Variants in CACNA2D1 observed in about 807,000 individuals in gnomAD.
CACNA2D1 encodes calcium voltage-gated channel auxiliary subunit alpha2delta 1.
A neutral mutation model predicts 171.5 loss-of-function variants in CACNA2D1; 53 were observed. That is an observed-to-expected ratio of 0.31 (90% CI 0.25 to 0.39). The LOEUF (loss-of-function observed/expected upper bound fraction) is 0.39. CACNA2D1 is among the 10% of genes least tolerant of loss of function. CACNA2D1 has a pLI of 1.00. For synonymous variants in CACNA2D1, 442 were observed against 443.1 expected (o/e 1.00, Z 0.03); for missense variants, 903 against 1,299.8 (o/e 0.69, Z 4.69).
intron 3 of CACNA2D1, among the ~76,000 whole-genome samples, chr7:82,181,043 T>A (rs1034163758): frequency 8.8e-4 from 34 of 38,716 alleles, no homozygotes; most frequent in African/African-American, 3.7e-3. Flanking sequence ...CATGTCGGAT[T>A]TTTTTTTTTT....
intron 1 of CACNA2D1, among the ~76,000 whole-genome samples, chr7:82,372,983 G>A (rs978634907): frequency 2.0e-5 from 3 of 152,108 alleles, no homozygotes; most frequent in Non-Finnish European, 2.9e-5. Flanking sequence ...TCAGGAGTTC[G>A]AGACCAGCCT....
In CACNA2D1 at chr7:82,044,873, G is replaced by A. The variant is rs145416976; in HGVS notation, c.880-6638C>T. Among the ~76,000 whole-genome samples, 10 of 152,122 alleles carry A rather than the reference G, an allele frequency of 6.6e-5. No homozygotes were observed. The East Asian group carries it at 1.4e-3, about 21-fold the overall frequency. ...TATGAAAATGATTATTCTAAAATCC[G>A]GATAAAATAGCTGATAACATTTATT... On this transcript the variant is annotated intron_variant, in intron 10 of 38. Transcript: ENST00000356860.
At chr7:82,159,740 GAAGA>G (rs1036741070) in intron 4 of CACNA2D1, among the ~76,000 whole-genome samples, 5 of 148,422 alleles carry the variant, frequency 3.4e-5, no homozygotes, top group African/African-American at 1.2e-4. Flanking sequence ...TAAGAATGGA[GAAGA>G]AAGACATGTA....
At chr7:82,066,951 G>C (rs1473177916) in intron 7 of CACNA2D1, among the ~76,000 whole-genome samples, 1 of 151,654 alleles carries the variant, frequency 6.6e-6, no homozygotes, top group Non-Finnish European at 1.5e-5. Flanking sequence ...TTTTTCTTGG[G>C]TTTTTATGTA....
chr7:82,328,421 C>T (rs1275902529), intron 3 of CACNA2D1, among the ~76,000 whole-genome samples: 1 of 152,064 alleles, frequency 6.6e-6, no homozygotes, highest in Non-Finnish European at 1.5e-5. Flanking sequence ...AGATTTTATT[C>T]CTCAGTAATT....
rs374846534 is a variant in CACNA2D1, at chr7:82,437,647, G to C, written c.95+5718C>G. The stretch of plus-strand genomic sequence containing the variant: ...TGAAATTAACTATAAAAAGTGTGCC[G>C]GTTTGTTGAGGCCACAAAGTCAATC... On this transcript the variant is annotated intron_variant, in intron 1 of 38. Coordinates refer to ENST00000356860, the MANE Select transcript of CACNA2D1 (RefSeq NM_000722.4). Among the ~76,000 whole-genome samples the C allele has an allele frequency of 1.1e-4, 17 of 152,168 alleles. No individual in the cohort carries two copies. In the East Asian group the frequency reaches 2.7e-3, roughly 24 times the overall value.
chr7:81,983,459 G>A, intron 22 of CACNA2D1, 125 bp from the exon 23 acceptor site: 2 of 764,528 alleles, frequency 2.6e-6, no homozygotes, highest in Non-Finnish European at 2.3e-6. Context: ...ATAGATCAAA[G>A]GTTCATTTAT....
intron 2 of CACNA2D1, chr7:82,343,309 C>CCCTAGCTAGTTAA (rs1818892779): frequency 6.6e-6 from 1 of 152,164 alleles, no homozygotes; most frequent in African/African-American, 2.4e-5. Flanking sequence ...GCACACACTG[C>CCCTAGCTAGTTAA]TACTCGCCCT....
chr7:82,083,961 T>C (rs1198789022), intron 7 of CACNA2D1, among the ~76,000 whole-genome samples: 1 of 152,200 alleles, frequency 6.6e-6, no homozygotes, highest in African/African-American at 2.4e-5. Context: ...TGTAGCAATT[T>C]AAAGCCAAAT....
At chr7:82,358,179 C>T (rs1820675293) in intron 1 of CACNA2D1, among the ~76,000 whole-genome samples, 4 of 152,102 alleles carry the variant, frequency 2.6e-5, no homozygotes, top group Admixed American at 2.6e-4. Context: ...GCTATAAATA[C>T]CCTACCAATG....
chr7:82,097,680 T>TAGTC (rs1264493367), intron 6 of CACNA2D1, among the ~76,000 whole-genome samples: 2 of 152,102 alleles, frequency 1.3e-5, no homozygotes, highest in African/African-American at 4.8e-5. Flanking sequence ...GCAATCAGAG[T>TAGTC]AGTCAATCTG....
At chr7:82,306,188 G>T (rs1813708542) in intron 3 of CACNA2D1, among the ~76,000 whole-genome samples, 2 of 152,032 alleles carry the variant, frequency 1.3e-5, no homozygotes, top group Admixed American at 1.3e-4. Context: ...AGTCTACCTT[G>T]TCATCAAATG....
At chr7:81,958,354 A>G (rs1793686615) in intron 38 of CACNA2D1, among the ~76,000 whole-genome samples, 1 of 152,114 alleles carries the variant, frequency 6.6e-6, no homozygotes, top group African/African-American at 2.4e-5. Flanking sequence ...TAACTCAAAT[A>G]ATTTATGAGA....
chr7:81,950,354 G>T lies in CACNA2D1; in HGVS notation c.*38C>A. On this transcript the variant is annotated 3_prime_UTR_variant, in exon 39 of 39. Transcript: ENST00000356860. Reference sequence around the variant, plus strand: ...AGGGCAGGGCTCATGTTTTGGCAGGGTCTGGAGTTTAACTATGCAGATTTG... The same window carrying T: ...AGGGCAGGGCTCATGTTTTGGCAGGTTCTGGAGTTTAACTATGCAGATTTG... The T allele has an allele frequency of 1.2e-6, 2 of 1,612,750 alleles. No homozygotes were observed. Among genetic ancestry groups the T allele is most frequent in the Non-Finnish European group, 1.7e-6 (2 of 1,179,158 alleles).
intron 1 of CACNA2D1, among the ~76,000 whole-genome samples, chr7:82,352,268 A>C (rs1486568625): frequency 3.3e-5 from 5 of 152,178 alleles, no homozygotes; most frequent in African/African-American, 1.2e-4. Context: ...AAAAGGTTAT[A>C]AAAAATAGAA....
chr7:82,203,116 T>TGAGGGACCTGGCTG (rs2129209044), intron 3 of CACNA2D1, among the ~76,000 whole-genome samples: 1 of 152,228 alleles, frequency 6.6e-6, no homozygotes, highest in Admixed American at 6.5e-5. Context: ...TGCTGTTTGA[T>TGAGGGACCTGGCTG]GAGGGACCTG....
intron 18 of CACNA2D1, among the ~76,000 whole-genome samples, chr7:81,997,826 C>A: frequency 6.6e-6 from 1 of 151,832 alleles, no homozygotes; most frequent in African/African-American, 2.4e-5. Context: ...TTTAATAATT[C>A]AAATGACATC....
intron 4 of CACNA2D1, among the ~76,000 whole-genome samples, chr7:82,143,335 G>A (rs1032996715): frequency 3.9e-5 from 6 of 151,976 alleles, no homozygotes. Flanking sequence ...TACAGTGCAT[G>A]GCACACAATA....
chr7:82,116,425 G>A (rs76820388), intron 6 of CACNA2D1, among the ~76,000 whole-genome samples: 2,402 of 152,214 alleles, frequency 0.016, 70 homozygotes, highest in African/African-American at 0.055. Flanking sequence ...CTTTTTCACA[G>A]GGAAGCCTTC....
Sources: gnomAD v4.1 joint callset for allele counts (sites outside exome capture counted in the v4.1 genomes callset) on GRCh38, gnomAD v4.1.1 for gene constraint, MANE v1.5 for transcripts, NCBI Gene and HGNC (gene_info 2026-07-23, HGNC 2026-07-21) for gene names.